Variants in SETX observed in about 807,000 individuals in gnomAD.
SETX encodes senataxin.
SETX carries 90 observed loss-of-function variants against 227.2 expected under a neutral mutation model. That is an observed-to-expected ratio of 0.40 (90% confidence interval 0.33 to 0.47). The LOEUF (loss-of-function observed/expected upper bound fraction) is 0.47. Among genes scored for constraint, SETX ranks in the 20% least tolerant of loss-of-function variants. The pLI is 0.91. For synonymous variants in SETX, 1,210 were observed against 1,113.2 expected, an observed-to-expected ratio of 1.09 and a Z score of -1.73; for missense variants, 3,052 against 3,181.5, an observed-to-expected ratio of 0.96 and a Z score of 0.98.
intron 5 of SETX, among the ~76,000 whole-genome samples, chr9:132,341,176 G>C (rs1847934307): frequency 6.6e-6 from 1 of 152,074 alleles, no homozygotes; most frequent in African/African-American, 2.4e-5. Context: ...GTGAAACCCT[G>C]TCTCTACTTC....
At chr9:132,281,242 C>G (rs1270263546) in intron 20 of SETX, among the ~76,000 whole-genome samples, 3 of 152,106 alleles carry the variant, frequency 2.0e-5, no homozygotes, top group Non-Finnish European at 4.4e-5. Flanking sequence ...CTTCCAAGTC[C>G]CTGCCACACT....
intron 23 of SETX, among the ~76,000 whole-genome samples, chr9:132,274,266 G>C (rs1843041199): frequency 6.6e-6 from 1 of 152,060 alleles, no homozygotes; most frequent in Non-Finnish European, 1.5e-5. Context: ...TTTGGTATCA[G>C]TGTAATACTG....
chr9:132,345,553 C>T (rs1421468785), intron 4 of SETX, among the ~76,000 whole-genome samples: 2 of 152,090 alleles, frequency 1.3e-5, no homozygotes, highest in Admixed American at 6.6e-5. Context: ...GGATTACAGG[C>T]GTGAGCCACC....
intron 13 of SETX, 113 bp downstream of exon 13, chr9:132,297,967 G>T: frequency 2.2e-6 from 2 of 905,740 alleles, no homozygotes; most frequent in Non-Finnish European, 3.5e-6. Context: ...ACACTAAACT[G>T]TTCACCGTGA....
chr9:132,295,292 G>C (rs1844604456), intron 15 of SETX, among the ~76,000 whole-genome samples: 1 of 152,120 alleles, frequency 6.6e-6, no homozygotes, highest in African/African-American at 2.4e-5. Context: ...AAGTTCATGG[G>C]ATTATTTTGA....
chr9:132,302,660 CAAAAAAAAAAAAAAAAAAAGCAAAA>C (rs1171996944), intron 11 of SETX, among the ~76,000 whole-genome samples: 2 of 33,304 alleles, frequency 6.0e-5, no homozygotes, highest in African/African-American at 8.6e-5. Flanking sequence ...GACTTTGTCT[CAAAAAAAAAAAAAAAAAAAGCAAAA>C]AAAAAAAAAA....
intron 14 of SETX, 123 bp from the exon 15 acceptor site, chr9:132,296,151 A>AAATAAAT: frequency 8.1e-7 from 1 of 1,228,542 alleles, no homozygotes; most frequent in Non-Finnish European, 1.2e-6. Flanking sequence ...ATAAAGTTAA[A>AAATAAAT]AATAAATAAA....
At chr9:132,274,549 T>A (rs1195018724) in intron 23 of SETX, among the ~76,000 whole-genome samples, 3 of 151,824 alleles carry the variant, frequency 2.0e-5, no homozygotes, top group Non-Finnish European at 4.4e-5. Context: ...TCAAGCGATT[T>A]ACCTACCTCA....
chr9:132,302,681 C>CAAAAAAAAAAAAAAAAAAAAAAG (rs57673567), intron 11 of SETX, among the ~76,000 whole-genome samples: 1 of 78,482 alleles, frequency 1.3e-5, no homozygotes, highest in African/African-American at 3.9e-5. Flanking sequence ...AAAAAAAAAG[C>CAAAAAAAAAAAAAAAAAAAAAAG]AAAAAAAAAA....
intron 17 of SETX, among the ~76,000 whole-genome samples, chr9:132,286,856 A>T (rs941213553): frequency 6.6e-6 from 1 of 152,220 alleles, no homozygotes; most frequent in Non-Finnish European, 1.5e-5. Flanking sequence ...TCTTCTTAAA[A>T]ATAGGGATTA....
Position 132,328,808 on chromosome 9 carries a change from A to G in SETX, c.2790T>C (p.Ser930=). Residue 930 remains serine, a synonymous_variant, in exon 10 of 26, where the codon AGT becomes AGC. Transcript: ENST00000224140. ...TCAAGTTAGAATAAATCACACTGGTACTATTACTCATCTCCTCATCTCTTG... is the reference window on the plus strand; with the variant it reads ...TCAAGTTAGAATAAATCACACTGGTGCTATTACTCATCTCCTCATCTCTTG... The part of the protein sequence containing the change: ...PESRDEEMSN[S]TSVIYSNLTR... The G allele has an allele frequency of 6.2e-7, 1 of 1,612,240 alleles. No individual in the cohort carries two copies. The highest frequency in any genetic ancestry group is 2.2e-5 in the East Asian group (1 of 44,884).
upstream of SETX, chr9:132,355,055 GCCGGCCGCAGGCCCCGCC>G (rs1395321644): frequency 1.3e-5 from 2 of 151,486 alleles, no homozygotes; most frequent in African/African-American, 2.4e-5. Context: ...CGCTGAGTCG[GCCGGCCGCAGGCCCCGCC>G]CCGGCCGCTG....
chr9:132,337,911 C>G (rs753039244), intron 5 of SETX, among the ~76,000 whole-genome samples: 1 of 152,194 alleles, frequency 6.6e-6, no homozygotes, highest in Middle Eastern at 3.4e-3. Context: ...TGGGACAGCA[C>G]CTTCACCGAA....
rs531548417 is a variant in SETX, at chr9:132,265,419, G to A, written c.7288-434C>T. Among the ~76,000 whole-genome samples, 94 of 151,836 alleles carry A rather than the reference G, an allele frequency of 6.2e-4. No homozygotes were observed. The Middle Eastern group carries it at 0.01, about 16-fold the overall frequency. ...TTTTTGTATTTTTAGTAGAGACGGG[G>A]TTTCATCATGTTAGCCAAGATGGTC... On this transcript the variant is annotated intron_variant, in intron 25 of 25. Transcript: ENST00000224140.
intron 15 of SETX, among the ~76,000 whole-genome samples, chr9:132,294,794 G>T (rs916903807): frequency 4.6e-5 from 7 of 152,184 alleles, no homozygotes; most frequent in Non-Finnish European, 8.8e-5. Flanking sequence ...GGCCACACAT[G>T]GTGAAGCAAC....
intron 21 of SETX, 73 bp from the exon 22 acceptor site, chr9:132,277,225 A>G: frequency 1.4e-6 from 2 of 1,393,768 alleles, no homozygotes; most frequent in Middle Eastern, 1.7e-4. Flanking sequence ...TATTACTACA[A>G]TTTTTTCTGT....
intron 2 of SETX, among the ~76,000 whole-genome samples, chr9:132,350,005 T>C (rs1421479674): frequency 2.0e-5 from 3 of 152,160 alleles, no homozygotes; most frequent in Non-Finnish European, 4.4e-5. Flanking sequence ...AGAGGCAGTT[T>C]TTAAAAATGT....
At chr9:132,312,689 T>C (rs542498824) in intron 10 of SETX, among the ~76,000 whole-genome samples, 13 of 152,322 alleles carry the variant, frequency 8.5e-5, no homozygotes, top group South Asian at 4.1e-4. Context: ...TGTTATCTGC[T>C]AGTAAGGTCA....
Position 132,326,299 on chromosome 9 carries a change from G to A in SETX, c.5274+25C>T, listed in dbSNP as rs188363965. 4 of 1,504,564 alleles carry A rather than the reference G, an allele frequency of 2.7e-6. No homozygotes were observed. In the East Asian group the frequency reaches 9.1e-5, roughly 34 times the overall value. The allele number at this position is 1,504,564 out of a possible 1,614,324, so 93.2% of individuals were successfully genotyped here. A position where few individuals can be genotyped will look rare whatever the true frequency, so the allele number is the denominator to read the frequency against. On this transcript the variant is annotated intron_variant, in intron 10 of 25. Transcript: ENST00000224140. Reference sequence around the variant, plus strand: ...GAGGTAACTTGAAAAGTTTGGAGAGGCATACAAATGAAACACATACTTACT... The same window carrying A: ...GAGGTAACTTGAAAAGTTTGGAGAGACATACAAATGAAACACATACTTACT...
Sources: gnomAD v4.1 joint callset for allele counts (sites outside exome capture counted in the v4.1 genomes callset) on GRCh38, gnomAD v4.1.1 for gene constraint, MANE v1.5 for transcripts, NCBI Gene and HGNC (gene_info 2026-07-23, HGNC 2026-07-21) for gene names.